The following MAF variants were observed in gnomAD, a reference collection of about 807,000 sequenced individuals.
MAF encodes the protein MAF bZIP transcription factor.
In MAF, 10 loss-of-function variants were observed where a neutral mutation model predicts 22.0. That is an observed-to-expected ratio of 0.45 (90% CI 0.28 to 0.77). The LOEUF (loss-of-function observed/expected upper bound fraction) is 0.77, where lower values mean the gene tolerates loss of function less well. MAF is among the 30% of genes least tolerant of loss of function. MAF has a pLI of 0.12. For synonymous variants in MAF, 337 were observed against 255.8 expected (o/e 1.32, Z -3.03); for missense variants, 544 against 548.4 (o/e 0.99, Z 0.08).
the MAF span, among the ~76,000 whole-genome samples, chr16:79,574,555 C>A: frequency 1.3e-5 from 2 of 152,154 alleles, no homozygotes; most frequent in Admixed American, 6.5e-5. Flanking sequence ...CTGATCACTT[C>A]ACTGATTTCG....
the MAF span, among the ~76,000 whole-genome samples, chr16:79,539,012 A>G: frequency 6.6e-6 from 1 of 152,256 alleles, no homozygotes; most frequent in African/African-American, 2.4e-5. Context: ...AACGGCCATA[A>G]ATAAAAATAC....
chr16:79,567,953 G>T, the MAF span, among the ~76,000 whole-genome samples: 2 of 152,222 alleles, frequency 1.3e-5, no homozygotes, highest in African/African-American at 4.8e-5. Context: ...AAAGAGGCAG[G>T]TTGGCCTTCT....
At chr16:79,330,838 G>A in the MAF span, among the ~76,000 whole-genome samples, 1 of 152,228 alleles carries the variant, frequency 6.6e-6, no homozygotes, top group South Asian at 2.1e-4. Flanking sequence ...TGGTCACCCA[G>A]TGCCTAGGCA....
the MAF span, among the ~76,000 whole-genome samples, chr16:79,569,613 T>A: frequency 1.3e-5 from 2 of 152,212 alleles, no homozygotes; most frequent in Non-Finnish European, 1.5e-5. Context: ...GTGATTCTGA[T>A]GTTCACTGAA....
At chr16:79,445,396 T>C in the MAF span, among the ~76,000 whole-genome samples, 8,521 of 152,186 alleles carry the variant, frequency 0.056, 515 homozygotes, top group East Asian at 0.24. Context: ...GGTTGTTTGT[T>C]TGTTTAATCC....
At chr16:79,365,224 G>T in the MAF span, among the ~76,000 whole-genome samples, 1 of 152,120 alleles carries the variant, frequency 6.6e-6, no homozygotes, top group African/African-American at 2.4e-5. Context: ...ATTTTCTTTG[G>T]TAAGTTTGCT....
At chr16:79,426,430 C>T in the MAF span, among the ~76,000 whole-genome samples, 2 of 152,082 alleles carry the variant, frequency 1.3e-5, no homozygotes, top group Admixed American at 6.5e-5. Flanking sequence ...GCTAATAGAA[C>T]TGTGACAATT....
At chr16:79,246,943 C>A in the MAF span, among the ~76,000 whole-genome samples, 1 of 152,180 alleles carries the variant, frequency 6.6e-6, no homozygotes, top group African/African-American at 2.4e-5. Context: ...ATGGAACTCC[C>A]ATTCTGTAGA....
At chr16:79,212,733 G>GAAAAGAAATCTAGAGGAA in the MAF span, 1 of 151,400 alleles carries the variant, frequency 6.6e-6, no homozygotes, top group Non-Finnish European at 1.5e-5. Flanking sequence ...TCATTTTTTA[G>GAAAAGAAATCTAGAGGAA]AAAAGAAATC....
chr16:79,211,767 C>G, the MAF span: 2 of 1,614,148 alleles, frequency 1.2e-6, no homozygotes, highest in Non-Finnish European at 1.7e-6. Context: ...GAGGCTGATC[C>G]AAGAACGGCT....
chr16:79,528,044 G>A, the MAF span, among the ~76,000 whole-genome samples: 41 of 152,244 alleles, frequency 2.7e-4, no homozygotes, highest in African/African-American at 9.4e-4. Flanking sequence ...TCAGGAGGCT[G>A]AGCAGGAGAA....
At chr16:79,540,715 G>A in the MAF span, among the ~76,000 whole-genome samples, 5 of 152,314 alleles carry the variant, frequency 3.3e-5, no homozygotes, top group African/African-American at 9.6e-5. Context: ...CGAATTTTGC[G>A]TGGCACAGGC....
chr16:79,516,189 C>G, the MAF span: 1 of 152,040 alleles, frequency 6.6e-6, no homozygotes, highest in African/African-American at 2.4e-5. Context: ...CAAGCTGGGC[C>G]CATCACAGAA....
At chr16:79,477,901 T>C in the MAF span, among the ~76,000 whole-genome samples, 1 of 151,580 alleles carries the variant, frequency 6.6e-6, no homozygotes, top group African/African-American at 2.4e-5. Context: ...TTTTTGTATT[T>C]TTAGTAGAGA....
the MAF span, among the ~76,000 whole-genome samples, chr16:79,394,124 C>T: frequency 6.6e-6 from 1 of 152,134 alleles, no homozygotes; most frequent in South Asian, 2.1e-4. Context: ...GAGTTCTCAG[C>T]AAGGAGAGCA....
chr16:79,453,326 T>C, the MAF span, among the ~76,000 whole-genome samples: 2 of 152,324 alleles, frequency 1.3e-5, no homozygotes, highest in Admixed American at 6.5e-5. Flanking sequence ...TGCCACATGA[T>C]ACTGGGTTCC....
the MAF span, among the ~76,000 whole-genome samples, chr16:79,213,062 G>C: frequency 1.3e-5 from 2 of 152,150 alleles, no homozygotes; most frequent in African/African-American, 4.8e-5. Context: ...TTTGAGAATG[G>C]GAGCTGTGCA....
At chr16:79,498,678 A>G in the MAF span, among the ~76,000 whole-genome samples, 1 of 152,224 alleles carries the variant, frequency 6.6e-6, no homozygotes, top group Non-Finnish European at 1.5e-5. Flanking sequence ...TGAAGTTCAT[A>G]TGCCTGGTTA....
chr16:79,548,126 T>C, the MAF span, among the ~76,000 whole-genome samples: 1 of 152,222 alleles, frequency 6.6e-6, no homozygotes, highest in Non-Finnish European at 1.5e-5. Flanking sequence ...TTTCCAAATT[T>C]GATTTATTGG....
Sources: allele counts gnomAD v4.1 joint callset (sites outside exome capture counted in the v4.1 genomes callset), GRCh38; gene constraint gnomAD v4.1.1; transcripts MANE v1.5; gene names NCBI Gene and HGNC (gene_info 2026-07-23, HGNC 2026-07-21).